The following GLT1D1 variants were observed in gnomAD, a reference collection of about 807,000 sequenced individuals.
The protein encoded by GLT1D1 is glycosyltransferase 1 domain-containing protein 1.
In GLT1D1, 21 loss-of-function variants were observed where a neutral mutation model predicts 28.7. The ratio of observed to expected loss-of-function variants is 0.73; its 90% CI spans 0.52 to 1.05. The LOEUF is 1.05. Ranked by LOEUF, GLT1D1 falls within the 50% of genes least tolerant of loss-of-function variation. The probability of loss-of-function intolerance (pLI) is 0.00; values close to 1 mark genes in which losing one functional copy is unlikely to be tolerated. For synonymous variants in GLT1D1, 147 were observed against 124.8 expected (o/e 1.18, Z -1.19); for missense variants, 343 against 330.6 (o/e 1.04, Z -0.29).
At chr12:128,939,814 G>A (rs888644314) in intron 4 of GLT1D1, among the ~76,000 whole-genome samples, 3 of 149,080 alleles carry the variant, frequency 2.0e-5, no homozygotes, top group Admixed American at 6.8e-5. Context: ...ACAACACTGG[G>A]GGATGTTGCC....
At chr12:128,970,141 T>A (rs1371973458) in intron 7 of GLT1D1, among the ~76,000 whole-genome samples, 2 of 152,144 alleles carry the variant, frequency 1.3e-5, no homozygotes, top group African/African-American at 4.8e-5. Context: ...GATGGTGACA[T>A]GTTGGCACTG....
At chr12:128,861,405 T>C (rs183019696) in intron 1 of GLT1D1, among the ~76,000 whole-genome samples, 1 of 152,266 alleles carries the variant, frequency 6.6e-6, no homozygotes, top group Non-Finnish European at 1.5e-5. Flanking sequence ...ACTAGATAAC[T>C]GAGTTGCATG....
At chr12:128,901,776 C>G (rs1470812815) in intron 4 of GLT1D1, among the ~76,000 whole-genome samples, 1 of 150,574 alleles carries the variant, frequency 6.6e-6, no homozygotes, top group Non-Finnish European at 1.5e-5. Flanking sequence ...GAGACGGGCT[C>G]TCATTCTGTT....
At chr12:128,924,336 A>G (rs1312052321) in intron 4 of GLT1D1, among the ~76,000 whole-genome samples, 1 of 151,358 alleles carries the variant, frequency 6.6e-6, no homozygotes, top group Non-Finnish European at 1.5e-5. Context: ...CTGAGGGATG[A>G]GAATTGCTTG....
intron 5 of GLT1D1, 105 bp from the exon 10 acceptor site, chr12:128,947,233 T>G: frequency 1.5e-6 from 2 of 1,297,088 alleles, no homozygotes; most frequent in Non-Finnish European, 1.1e-6. Context: ...CAATGCTTAC[T>G]TGCTGATCTA....
intron 1 of GLT1D1, among the ~76,000 whole-genome samples, chr12:128,867,397 CAAAA>C (rs1158997935): frequency 3.4e-5 from 2 of 59,304 alleles, no homozygotes; most frequent in African/African-American, 5.8e-5. Flanking sequence ...AACTCCTTCT[CAAAA>C]AAAAAAAAAA....
chr12:128,897,702 T>C (rs1177372029), intron 3 of GLT1D1, among the ~76,000 whole-genome samples: 1 of 152,198 alleles, frequency 6.6e-6, no homozygotes, highest in Non-Finnish European at 1.5e-5. Flanking sequence ...AGAGTCTCGC[T>C]CTGTTGCCCA....
chr12:128,883,362 C>CG (rs1029149615), intron 2 of GLT1D1, among the ~76,000 whole-genome samples: 3 of 149,802 alleles, frequency 2.0e-5, no homozygotes, highest in South Asian at 4.4e-4. Context: ...GAGGCTGAGG[C>CG]GGGGGGATCA....
chr12:128,970,621 C>T (rs1012194659), intron 7 of GLT1D1, among the ~76,000 whole-genome samples: 2 of 152,264 alleles, frequency 1.3e-5, no homozygotes, highest in African/African-American at 4.8e-5. Flanking sequence ...GCCCCCTCCT[C>T]GTTCCAGGCT....
chr12:128,877,398 T>C (rs1296432876), intron 2 of GLT1D1, among the ~76,000 whole-genome samples: 1 of 152,254 alleles, frequency 6.6e-6, no homozygotes, highest in Non-Finnish European at 1.5e-5. Flanking sequence ...GGTTTTTTAC[T>C]GAAGGTGATT....
chr12:128,883,716 C>G (rs34232000), intron 2 of GLT1D1, among the ~76,000 whole-genome samples: 3 of 151,974 alleles, frequency 2.0e-5, no homozygotes. Flanking sequence ...AAGACCCTTA[C>G]GTGGGTGGCT....
chr12:128,920,078 A>G (rs539562766), intron 4 of GLT1D1, among the ~76,000 whole-genome samples: 1 of 150,874 alleles, frequency 6.6e-6, no homozygotes, highest in South Asian at 2.1e-4. Context: ...AGATTGTAGC[A>G]CTTTTCTTCC....
chr12:128,941,569 C>CTTTTTT lies in GLT1D1; in HGVS notation c.376-3741_376-3736dup, dbSNP rs550204231. Among the ~76,000 whole-genome samples the CTTTTTT allele has an allele frequency of 3.2e-3, 346 of 107,556 alleles. 3 individuals are homozygous for CTTTTTT. The highest frequency in any genetic ancestry group is 0.012 in the African/African-American group (307 of 24,834). 70.6% of individuals were successfully genotyped at this position (107,556 alleles called of 152,430 possible). On this transcript the variant is annotated intron_variant, in intron 4 of 7. Coordinates refer to ENST00000281703, the MANE Select transcript of GLT1D1 (RefSeq NM_144669.3). ...GTCTCTTCTTTCTCTCTCTCTTTCT[C>CTTTTTT]TTTTTTTTTTTTTTTTTTTTTGAGA...
intron 7 of GLT1D1, among the ~76,000 whole-genome samples, chr12:128,980,761 G>A (rs566784779): frequency 2.0e-5 from 3 of 152,286 alleles, no homozygotes; most frequent in East Asian, 1.9e-4. Flanking sequence ...GAAGGCAGAC[G>A]GCATCACTTC....
intron 3 of GLT1D1, among the ~76,000 whole-genome samples, chr12:128,890,563 T>A (rs1868927168): frequency 6.6e-6 from 1 of 152,054 alleles, no homozygotes; most frequent in Non-Finnish European, 1.5e-5. Flanking sequence ...GGCAGGTGGA[T>A]CACTTGAGGT....
chr12:128,980,459 C>T (rs1350644313), intron 7 of GLT1D1, among the ~76,000 whole-genome samples: 1 of 152,224 alleles, frequency 6.6e-6, no homozygotes. Flanking sequence ...ACAACTACCG[C>T]CATTTGATTT....
chr12:128,910,559 C>A (rs979250281), intron 4 of GLT1D1, among the ~76,000 whole-genome samples: 1 of 152,062 alleles, frequency 6.6e-6, no homozygotes, highest in Admixed American at 6.6e-5. Flanking sequence ...TAGGAAGAAA[C>A]ACTCCAAGCC....
At chr12:128,935,240 C>T (rs751860285) in intron 4 of GLT1D1, among the ~76,000 whole-genome samples, 2 of 152,268 alleles carry the variant, frequency 1.3e-5, no homozygotes, top group East Asian at 1.9e-4. Context: ...TTCTACTCTA[C>T]CAGAGCTTTA....
chr12:128,977,030 C>CA (rs1879830612), intron 7 of GLT1D1, among the ~76,000 whole-genome samples: 2 of 152,190 alleles, frequency 1.3e-5, no homozygotes, highest in South Asian at 4.1e-4. Context: ...CCTGTAATCC[C>CA]AGCTGCTTGG....
Sources: allele counts gnomAD v4.1 joint callset (sites outside exome capture counted in the v4.1 genomes callset), GRCh38; gene constraint gnomAD v4.1.1; transcripts MANE v1.5; gene names NCBI Gene and HGNC (gene_info 2026-07-23, HGNC 2026-07-21).